ANKHD1: variants seen among roughly 807,000 people sequenced by gnomAD.
ANKHD1 encodes ankyrin repeat and KH domain-containing protein 1.
In ANKHD1, 31 loss-of-function variants were observed where a neutral mutation model predicts 230.5. The ratio of observed to expected loss-of-function variants is 0.13; its 90% confidence interval spans 0.10 to 0.18. The LOEUF (loss-of-function observed/expected upper bound fraction) is 0.18. Among genes scored for constraint, ANKHD1 ranks in the 10% least tolerant of loss-of-function variants. The probability of loss-of-function intolerance (pLI) is 1.00; values close to 1 mark genes in which losing one functional copy is unlikely to be tolerated. For synonymous variants in ANKHD1, 1,074 were observed against 1,117.6 expected, an observed-to-expected ratio of 0.96 and a Z score of 0.78; for missense variants, 2,256 against 3,071.3, an observed-to-expected ratio of 0.73 and a Z score of 6.27.
intron 14 of ANKHD1, among the ~76,000 whole-genome samples, chr5:140,488,890 ACT>A (rs1484567648): frequency 6.6e-6 from 1 of 151,732 alleles, no homozygotes; most frequent in African/African-American, 2.4e-5. Flanking sequence ...ATGGAGTGAG[ACT>A]CTCAGAAAAA....
Position 140,485,825 on chromosome 5 carries a change from G to A in ANKHD1, c.2142+93G>A. 1 of 1,520,934 alleles carries A rather than the reference G, an allele frequency of 6.6e-7. No individual in the cohort carries two copies. Among genetic ancestry groups the A allele is most frequent in the East Asian group, 2.4e-5 (1 of 42,454 alleles). 94.2% of individuals were successfully genotyped at this position (1,520,934 alleles called of 1,614,324 possible). On this transcript the variant is annotated intron_variant, in intron 13 of 33. Transcript: ENST00000360839. This position sits in a 1 kb window ranked among gnomAD's most constrained non-coding sequence, Gnocchi z 4.8. ...AATCAGTTTTAAGCAAAATGGACTT[G>A]TTTTTATTCTCTGTTACATATTGAG...
intron 9 of ANKHD1, among the ~76,000 whole-genome samples, chr5:140,464,161 A>C (rs569510150): frequency 6.6e-6 from 1 of 151,924 alleles, no homozygotes; most frequent in Non-Finnish European, 1.5e-5. Flanking sequence ...GCCTGAACCC[A>C]AGAGGCAGAG....
At chr5:140,446,909 T>C (rs1386007290) in intron 6 of ANKHD1, among the ~76,000 whole-genome samples, 1 of 152,136 alleles carries the variant, frequency 6.6e-6, no homozygotes, top group Non-Finnish European at 1.5e-5. Flanking sequence ...ATTTTTCATT[T>C]ATTATCATTG....
intron 11 of ANKHD1, chr5:140,484,864 A>T (rs1213970992): frequency 3.2e-5 from 10 of 314,398 alleles, no homozygotes; most frequent in Non-Finnish European, 4.8e-5. Flanking sequence ...AGTGGTTACC[A>T]TTGGGAGGCT....
At chr5:140,529,922 A>G (rs188347815) in intron 29 of ANKHD1, 126 bp downstream of exon 29, 22 of 1,388,172 alleles carry the variant, frequency 1.6e-5, no homozygotes, top group Non-Finnish European at 2.1e-5. Flanking sequence ...GATTCTCTCT[A>G]TGATTTTTCT....
At chr5:140,513,246 T>A (rs1752842016) in intron 23 of ANKHD1, 117 bp from the exon 24 acceptor site, 1 of 1,005,994 alleles carries the variant, frequency 9.9e-7, no homozygotes, top group Non-Finnish European at 1.4e-6. Flanking sequence ...ATAACTTAAT[T>A]TGGTTTAGTG....
chr5:140,528,467 T>C lies in ANKHD1; in HGVS notation c.5521T>C (p.Ser1841Pro), dbSNP rs1420374210. 1 of 1,614,030 alleles carries C rather than the reference T, an allele frequency of 6.2e-7. No homozygotes were observed. Among genetic ancestry groups the C allele is most frequent in the Non-Finnish European group, 8.5e-7 (1 of 1,180,032 alleles). ...LNKNVPTNVRSSFPVSLPLAY... is the reference protein window; with the variant it reads ...LNKNVPTNVRPSFPVSLPLAY... ...TAAGAATGTTCCAACAAATGTACGT[T>C]CTTCTTTCCCAGTTTCTCTACCCTT... is the stretch of plus-strand genomic sequence containing the variant. The change falls in exon 29 of 34, where the codon TCT becomes CCT. Residue 1841 changes from serine (S) to proline (P), a missense_variant. Transcript: ENST00000360839.
At chr5:140,417,582 C>G (rs1001191271) in intron 1 of ANKHD1, among the ~76,000 whole-genome samples, 2 of 151,814 alleles carry the variant, frequency 1.3e-5, no homozygotes, top group Non-Finnish European at 2.9e-5. Flanking sequence ...CTAAGTATAG[C>G]TGGGACTATA....
intron 24 of ANKHD1, among the ~76,000 whole-genome samples, chr5:140,520,929 T>TAA (rs370538341): frequency 0.019 from 2,160 of 112,852 alleles, 24 homozygotes; most frequent in Non-Finnish European, 0.03. Context: ...TAAAGTATAA[T>TAA]AAAAAAAAAA....
At chr5:140,510,400 C>A (rs947441150) in intron 22 of ANKHD1, among the ~76,000 whole-genome samples, 1 of 145,452 alleles carries the variant, frequency 6.9e-6, no homozygotes, top group Non-Finnish European at 1.5e-5. Context: ...GCAACCTCTG[C>A]CTCCCAGGTT....
At chr5:140,473,850 T>C (rs905789595) in intron 10 of ANKHD1, among the ~76,000 whole-genome samples, 2 of 152,202 alleles carry the variant, frequency 1.3e-5, no homozygotes, top group African/African-American at 2.4e-5. Context: ...TCTCTCTAGC[T>C]GCAAGTCTCA....
At chr5:140,501,362 G>A (rs1752296271) in intron 15 of ANKHD1, among the ~76,000 whole-genome samples, 1 of 151,938 alleles carries the variant, frequency 6.6e-6, no homozygotes, top group African/African-American at 2.4e-5. Context: ...ACAGGCATGA[G>A]CCACCACGCC....
At chr5:140,462,998 A>G (rs550335696) in intron 9 of ANKHD1, among the ~76,000 whole-genome samples, 1 of 151,534 alleles carries the variant, frequency 6.6e-6, no homozygotes, top group Admixed American at 6.6e-5. Flanking sequence ...GGCATACACC[A>G]CTATGCCCCG....
In ANKHD1 at chr5:140,528,930, C is replaced by G; in HGVS notation, c.5984C>G (p.Thr1995Ser). The part of the protein sequence containing the change: ...SLPSVSSAPI[T>S]SGQAPTTFLP... Reference sequence around the variant, plus strand: ...CCTTCTGTCTCCTCTGCACCTATCACTAGCGGGCAAGCTCCCACCACATTT... The same window carrying G: ...CCTTCTGTCTCCTCTGCACCTATCAGTAGCGGGCAAGCTCCCACCACATTT... Residue 1995 changes from threonine (T) to serine (S), a missense_variant, in exon 29 of 34, where the codon ACT becomes AGT. Thr to Ser is a moderately conservative substitution (Grantham distance 58). Around this residue, in one of 13 missense-constraint regions of ANKHD1, gnomAD observed 778 missense variants for 966.5 expected, o/e 0.80. Coordinates refer to ENST00000360839, the MANE Select transcript of ANKHD1 (RefSeq NM_017747.3). 1 of 1,614,232 alleles carries G rather than the reference C, an allele frequency of 6.2e-7. No homozygotes were observed. Among genetic ancestry groups the G allele is most frequent in the Middle Eastern group, 1.6e-4 (1 of 6,062 alleles).
intron 24 of ANKHD1, among the ~76,000 whole-genome samples, chr5:140,522,982 G>A (rs1033332751): frequency 6.7e-6 from 1 of 149,418 alleles, no homozygotes. Context: ...TTGGAGAAAT[G>A]TCTATTCAGA....
At chr5:140,538,761 A>G (rs1754186179) in intron 32 of ANKHD1, among the ~76,000 whole-genome samples, 158 bp from the exon 33 acceptor site, 1 of 152,266 alleles carries the variant, frequency 6.6e-6, no homozygotes, top group East Asian at 1.9e-4. Flanking sequence ...GCAGATAAAC[A>G]TTTTGTTTTC....
rs754392143 is a variant in ANKHD1, at chr5:140,402,136, GGCA to G, written c.175_177del (p.Ser59del). The G allele has an allele frequency of 5.2e-6, 8 of 1,545,134 alleles. No individual in the cohort carries two copies. Among genetic ancestry groups the G allele is most frequent in the Non-Finnish European group, 7.0e-6 (8 of 1,150,258 alleles). On this transcript the variant is annotated inframe_deletion, in exon 1 of 34. Transcript: ENST00000360839. ...GGAGGCCGGGCCAGCGTCGGGAGTC[GGCA>G]GCAGCGGCGGCGGCGGCAGCGGCAG...
At chr5:140,461,460 A>G (rs1775698967) in intron 9 of ANKHD1, among the ~76,000 whole-genome samples, 2 of 152,194 alleles carry the variant, frequency 1.3e-5, no homozygotes, top group Admixed American at 6.5e-5. Flanking sequence ...ACAGTGTGGC[A>G]CTAAAGAAAA....
Position 140,505,820 on chromosome 5 carries a change from G to C in ANKHD1, c.3359G>C (p.Arg1120Pro). ...KGGDIEAQSERTKDTPLSLAC... is the reference protein window; with the variant it reads ...KGGDIEAQSEPTKDTPLSLAC... ...GGAGATATAGAAGCACAGTCTGAAC[G>C]AACTAAGGATACTCCGCTTTCATTG... The change falls in exon 18 of 34, where the codon CGA becomes CCA. Residue 1120 changes from arginine to proline, a missense_variant. Coordinates refer to ENST00000360839, the MANE Select transcript of ANKHD1 (RefSeq NM_017747.3). 2 of 1,610,602 alleles carry C rather than the reference G, an allele frequency of 1.2e-6. No homozygotes were observed. The highest frequency in any genetic ancestry group is 1.7e-6 in the Non-Finnish European group (2 of 1,178,726).
Sources: allele counts gnomAD v4.1 joint callset (sites outside exome capture counted in the v4.1 genomes callset), GRCh38; gene constraint gnomAD v4.1.1; regional missense constraint gnomAD v4.1.1; non-coding constraint Gnocchi (gnomAD v3.1); transcripts MANE v1.5; gene names NCBI Gene and HGNC (gene_info 2026-07-23, HGNC 2026-07-21).